Variants in ICA1L observed in about 807,000 individuals in gnomAD.
ICA1L encodes islet cell autoantigen 1 like, also known as islet cell autoantigen 1-like protein.
A neutral mutation model predicts 61.3 loss-of-function variants in ICA1L; 50 were observed. The ratio of observed to expected loss-of-function variants is 0.82; its 90% CI spans 0.65 to 1.03. The LOEUF is 1.03. Among genes scored for constraint, ICA1L ranks in the 50% least tolerant of loss-of-function variants. ICA1L has a pLI of 0.00. For missense variants in ICA1L, 508 were observed against 556.7 expected (o/e 0.91, Z 0.88); for synonymous variants, 161 against 191.3 (o/e 0.84, Z 1.31).
At chr2:202,829,972 CAT>C (rs1300385987) in intron 1 of ICA1L, among the ~76,000 whole-genome samples, 2 of 152,118 alleles carry the variant, frequency 1.3e-5, no homozygotes, top group African/African-American at 4.8e-5. Flanking sequence ...GATTCCAACA[CAT>C]ACTCTTTAAA....
intron 1 of ICA1L, among the ~76,000 whole-genome samples, chr2:202,851,572 T>C (rs1006451906): frequency 3.9e-5 from 6 of 152,190 alleles, no homozygotes; most frequent in Admixed American, 3.3e-4. Context: ...TTCTAGATCC[T>C]TGAAGAATCA....
intron 10 of ICA1L, among the ~76,000 whole-genome samples, chr2:202,795,073 CTTTTTTTTTTT>C (rs59752090): frequency 1.0e-5 from 1 of 97,074 alleles, no homozygotes; most frequent in South Asian, 3.7e-4. Context: ...GTTTCCTTTT[CTTTTTTTTTTT>C]TTTTTTTTTT....
chr2:202,845,017 C>T (rs148170280), intron 1 of ICA1L, among the ~76,000 whole-genome samples: 1 of 152,290 alleles, frequency 6.6e-6, no homozygotes, highest in Non-Finnish European at 1.5e-5. Flanking sequence ...ATAGCATCTT[C>T]TAATCTTTCT....
chr2:202,794,058 A>G (rs1388695613), intron 10 of ICA1L, among the ~76,000 whole-genome samples: 1 of 152,090 alleles, frequency 6.6e-6, no homozygotes. Flanking sequence ...ACAAAGCTGG[A>G]CTTACAACTG....
Position 202,815,936 on chromosome 2 carries a change from T to A in ICA1L, c.758A>T (p.His253Leu). 1 of 1,598,374 alleles carries A rather than the reference T, an allele frequency of 6.3e-7. No individual in the cohort carries two copies. Among genetic ancestry groups the A allele is most frequent in the East Asian group, 2.3e-5 (1 of 43,546 alleles). ...CTTGAGAGCTACAAAATCATACGGATGAAAGCCAATACAGGCTTCATGAAT... is the reference window on the plus strand; with the variant it reads ...CTTGAGAGCTACAAAATCATACGGAAGAAAGCCAATACAGGCTTCATGAAT... The part of the protein sequence containing the change: ...SQIHEACIGF[H>L]PYDFVALKQL... The change falls in exon 7 of 13, where the codon CAT becomes CTT. Residue 253 changes from histidine to leucine, a missense_variant. His to Leu is a moderately conservative substitution (Grantham distance 99). Coordinates refer to ENST00000358299, the MANE Select transcript of ICA1L (RefSeq NM_001288622.3).
rs1692309103 is a variant in ICA1L at position 202,778,853 on chromosome 2, C to G, written c.*680G>C. 1 of 152,714 alleles carries G rather than the reference C, an allele frequency of 6.5e-6. No homozygotes were observed. Among genetic ancestry groups the G allele is most frequent in the Non-Finnish European group, 1.5e-5 (1 of 68,012 alleles). 9.5% of individuals were successfully genotyped at this position (152,714 alleles called of 1,614,324 possible). ...GGATGGGCTTAGCAAATTAATTATC[C>G]TGCTACTTCCCCTTCAAGATTTAAT... On this transcript the variant is annotated 3_prime_UTR_variant, in exon 13 of 13. Transcript: ENST00000358299.
chr2:202,789,532 A>G (rs960021950), intron 10 of ICA1L, among the ~76,000 whole-genome samples: 8 of 152,184 alleles, frequency 5.3e-5, no homozygotes, highest in African/African-American at 1.9e-4. Flanking sequence ...CCACACATTG[A>G]AAATGTACAA....
At chr2:202,869,667 T>C in intron 1 of ICA1L, 1 of 152,116 alleles carries the variant, frequency 6.6e-6, no homozygotes, top group East Asian at 1.9e-4. Flanking sequence ...AATATAGATA[T>C]TGTGTTACTT....
In ICA1L at chr2:202,829,482, G is replaced by T. The variant is rs369421430; in HGVS notation, c.-7-466C>A. Among the ~76,000 whole-genome samples, 4 of 152,168 alleles carry T rather than the reference G, an allele frequency of 2.6e-5. No individual in the cohort carries two copies. In the South Asian group the frequency reaches 6.2e-4, roughly 24 times the overall value. On this transcript the variant is annotated intron_variant, in intron 1 of 12. Transcript: ENST00000358299. ...AATTTTTTTTTAGAGTCAGGGTCTC[G>T]TTCCATCGCTCATGCTGGAGTGTAG...
intron 9 of ICA1L, among the ~76,000 whole-genome samples, chr2:202,810,052 A>G (rs1459284233): frequency 6.6e-6 from 1 of 152,234 alleles, no homozygotes; most frequent in Non-Finnish European, 1.5e-5. Context: ...TTAGTAATCA[A>G]ACTCCCAAAG....
At chr2:202,791,283 G>GACTT (rs1427897693) in intron 10 of ICA1L, among the ~76,000 whole-genome samples, 3 of 152,114 alleles carry the variant, frequency 2.0e-5, no homozygotes, top group Admixed American at 2.0e-4. Flanking sequence ...TGATAACTTG[G>GACTT]ACTTACAAAG....
intron 1 of ICA1L, among the ~76,000 whole-genome samples, chr2:202,848,102 G>A (rs1694517582): frequency 6.6e-6 from 1 of 152,082 alleles, no homozygotes; most frequent in Non-Finnish European, 1.5e-5. Flanking sequence ...GGGAGGAGGT[G>A]TTGAGATTAG....
intron 1 of ICA1L, among the ~76,000 whole-genome samples, chr2:202,853,439 T>C (rs563231499): frequency 5.0e-4 from 76 of 150,772 alleles, no homozygotes; most frequent in Non-Finnish European, 1.3e-4. Flanking sequence ...ATTCAGGACA[T>C]AGGCATGGGC....
In ICA1L at chr2:202,819,899, T is replaced by G; in HGVS notation, c.360A>C (p.Arg120Ser). 1 of 1,612,808 alleles carries G rather than the reference T, an allele frequency of 6.2e-7. No individual in the cohort carries two copies. ...GAGACAGAGGAGTACACAGGGCCAA[T>G]CTAATGGCAGAGAGGTAAAAATCAG... Reference protein sequence around the residue: ...GKALCSSAKQRLALCTPLSRL... With the variant: ...GKALCSSAKQSLALCTPLSRL... Residue 120 changes from arginine to serine, a missense_variant and splice_region_variant, in exon 5 of 13, where the codon AGA becomes AGC. By Grantham distance (110) the Arg-to-Ser change is moderately radical. Transcript: ENST00000358299.
intron 11 of ICA1L, among the ~76,000 whole-genome samples, chr2:202,787,493 C>T (rs1692621530): frequency 6.6e-6 from 1 of 152,182 alleles, no homozygotes. Flanking sequence ...TGAATTATCC[C>T]AGATAGAGTG....
rs58006631 is a variant in ICA1L, at chr2:202,797,132, TTGTGTGTGTG to T, written c.911-178_911-169del. 1.5e-3 allele frequency among the ~76,000 whole-genome samples: 223 copies of T among 147,810 alleles called. 2 individuals are homozygous for T. Among genetic ancestry groups the T allele is most frequent in the East Asian group, 1.8e-3 (9 of 5,084 alleles). ...ATAATCTTATATATAAAAATCACAT[TTGTGTGTGTG>T]TGTGTGTGTGTGTGTGTGTGTATAT... On this transcript the variant is annotated intron_variant, in intron 9 of 12. Coordinates refer to ENST00000358299, the MANE Select transcript of ICA1L (RefSeq NM_001288622.3).
chr2:202,855,969 G>C (rs751200853), intron 1 of ICA1L, among the ~76,000 whole-genome samples: 19 of 151,262 alleles, frequency 1.3e-4, no homozygotes, highest in Non-Finnish European at 2.5e-4. Flanking sequence ...AGCTACTCAA[G>C]AGGCTGAGGC....
At chr2:202,840,786 C>T in intron 1 of ICA1L, 1 of 598,886 alleles carries the variant, frequency 1.7e-6, no homozygotes, top group Non-Finnish European at 3.2e-6. Context: ...GCGATGGCAG[C>T]CTCCAGGGAA....
intron 1 of ICA1L, among the ~76,000 whole-genome samples, chr2:202,852,467 G>A (rs1330922345): frequency 1.3e-5 from 2 of 151,608 alleles, no homozygotes; most frequent in Non-Finnish European, 2.9e-5. Context: ...TCAGGAGATC[G>A]AGACCATCCT....
Sources: gnomAD v4.1 joint callset for allele counts (sites outside exome capture counted in the v4.1 genomes callset) on GRCh38, gnomAD v4.1.1 for gene constraint, MANE v1.5 for transcripts, NCBI Gene and HGNC (gene_info 2026-07-23, HGNC 2026-07-21) for gene names.